The following TFEC variants were observed in gnomAD, a reference collection of about 807,000 sequenced individuals.
The protein encoded by TFEC is class E basic helix-loop-helix protein 34.
Under a neutral mutation model 41.6 loss-of-function variants are expected in TFEC, and 31 were observed. The ratio of observed to expected loss-of-function variants is 0.74; its 90% CI spans 0.56 to 1.01. The LOEUF is 1.01. TFEC is among the 50% of genes least tolerant of loss of function. TFEC has a pLI of 0.00. For missense variants in TFEC, 402 were observed against 404.1 expected (o/e 0.99, Z 0.04); for synonymous variants, 143 against 140.6 (o/e 1.02, Z -0.12).
intron 3 of TFEC, among the ~76,000 whole-genome samples, chr7:116,098,606 T>G (rs570132252): frequency 1.3e-5 from 2 of 151,984 alleles, no homozygotes; most frequent in East Asian, 3.9e-4. Flanking sequence ...AATAGACAAA[T>G]CCACAATTTT....
chr7:116,041,777 GACACA>G (rs1257082285), intron 3 of TFEC, among the ~76,000 whole-genome samples: 1 of 152,130 alleles, frequency 6.6e-6, no homozygotes, highest in Non-Finnish European at 1.5e-5. Context: ...TCCTGTTTCA[GACACA>G]GGTCTGAAAC....
chr7:116,065,159 A>T lies in TFEC; in HGVS notation c.198+45549T>A, dbSNP rs140880067. On this transcript the variant is annotated intron_variant, in intron 3 of 8. Transcript: ENST00000484212. ...AAACCAGACCAGCACAAGAGGAAAA[A>T]TCTGAAGGCAAAGGTATAAAACAGT... 2.5e-3 allele frequency among the ~76,000 whole-genome samples: 385 copies of T among 152,292 alleles called. 1 individual carries two copies. Among genetic ancestry groups the T allele is most frequent in the Admixed American group, 5.4e-3 (82 of 15,278 alleles).
At chr7:116,110,423 T>C (rs909348902) in intron 3 of TFEC, among the ~76,000 whole-genome samples, 1 of 152,120 alleles carries the variant, frequency 6.6e-6, no homozygotes, top group Non-Finnish European at 1.5e-5. Flanking sequence ...GTAGTAGTTG[T>C]ATCATGACAA....
intron 3 of TFEC, among the ~76,000 whole-genome samples, chr7:116,079,177 C>A (rs1183716535): frequency 6.6e-6 from 1 of 151,902 alleles, no homozygotes; most frequent in African/African-American, 2.4e-5. Flanking sequence ...AAGGAACATA[C>A]CTTAAGGTAA....
At chr7:116,157,816 T>G (rs930142663) in intron 1 of TFEC, among the ~76,000 whole-genome samples, 11 of 152,142 alleles carry the variant, frequency 7.2e-5, no homozygotes, top group African/African-American at 2.7e-4. Context: ...ACACAGAACT[T>G]CTGTCACACC....
rs1240601993 is a variant in TFEC, at chr7:115,939,411, A to G, written c.*1140T>C. On this transcript the variant is annotated 3_prime_UTR_variant, in exon 8 of 8. Transcript: ENST00000265440. ...TATAATAAATGCTAACAGTGCAACC[A>G]AAGATCATAGGACACTCTAAGTGTT... The G allele has an allele frequency of 2.0e-5, 3 of 152,084 alleles. No homozygotes were observed. Among genetic ancestry groups the G allele is most frequent in the African/African-American group, 4.8e-5 (2 of 41,444 alleles). The allele number at this position is 152,084 out of a possible 1,614,324, so 9.4% of individuals were successfully genotyped here. A position where few individuals can be genotyped will look rare whatever the true frequency, so the allele number is the denominator to read the frequency against.
intron 3 of TFEC, among the ~76,000 whole-genome samples, chr7:116,080,638 T>G (rs571105916): frequency 6.6e-6 from 1 of 151,990 alleles, no homozygotes; most frequent in Non-Finnish European, 1.5e-5. Context: ...AAAACCACAA[T>G]GCAGTGCCAC....
At chr7:116,097,462 G>T (rs1797493489) in intron 3 of TFEC, among the ~76,000 whole-genome samples, 1 of 151,948 alleles carries the variant, frequency 6.6e-6, no homozygotes, top group African/African-American at 2.4e-5. Flanking sequence ...TGCATTTTTG[G>T]GCCATTATTA....
At chr7:116,031,491 A>G (rs1464605956), upstream of TFEC, among the ~76,000 whole-genome samples, 1 of 152,160 alleles carries the variant, frequency 6.6e-6, no homozygotes, top group Non-Finnish European at 1.5e-5. Context: ...TTAAAATGGA[A>G]AGGTACAACT....
intron 1 of TFEC, among the ~76,000 whole-genome samples, chr7:116,127,319 G>A (rs768307160): frequency 2.0e-5 from 3 of 151,982 alleles, no homozygotes; most frequent in Non-Finnish European, 2.9e-5. Context: ...TCCTGACCTC[G>A]TAATCCCCTT....
chr7:116,042,831 G>A (rs999936450), intron 3 of TFEC, among the ~76,000 whole-genome samples: 3 of 151,958 alleles, frequency 2.0e-5, no homozygotes, highest in East Asian at 1.9e-4. Context: ...CTGAATAAAC[G>A]TCAAAATTAT....
chr7:116,096,252 TA>T (rs1797457600), intron 3 of TFEC, among the ~76,000 whole-genome samples: 1 of 152,078 alleles, frequency 6.6e-6, no homozygotes, highest in Non-Finnish European at 1.5e-5. Flanking sequence ...TCCTGAGATA[TA>T]AAATTTTAAG....
chr7:116,005,536 G>T (rs1794755632), intron 1 of TFEC, among the ~76,000 whole-genome samples: 1 of 152,166 alleles, frequency 6.6e-6, no homozygotes, highest in African/African-American at 2.4e-5. Context: ...TCTGGTAGAA[G>T]AAATTTCTAA....
At chr7:116,068,819 A>G (rs972137504) in intron 3 of TFEC, among the ~76,000 whole-genome samples, 8 of 151,638 alleles carry the variant, frequency 5.3e-5, no homozygotes, top group African/African-American at 1.9e-4. Context: ...TGTAACAAAA[A>G]TCAACTTTCT....
At chr7:115,982,668 G>T (rs918160721) in intron 2 of TFEC, among the ~76,000 whole-genome samples, 15 of 152,064 alleles carry the variant, frequency 9.9e-5, no homozygotes, top group Non-Finnish European at 1.9e-4. Flanking sequence ...GAAAAAAATT[G>T]TCTATAGCCA....
rs1342290965 is a variant in TFEC at position 115,942,974 on chromosome 7, TAA to T, written c.516-936_516-935del. Among the ~76,000 whole-genome samples the T allele has an allele frequency of 2.6e-5, 4 of 152,154 alleles. No homozygotes were observed. The East Asian group carries it at 7.7e-4, about 29-fold the overall frequency. On this transcript the variant is annotated intron_variant, in intron 6 of 7. Coordinates refer to ENST00000265440, the MANE Select transcript of TFEC (RefSeq NM_012252.4). ...GTCACGAGATGTTTTTAATATAGCA[TAA>T]AGTACACAGGTAGGGAAATATAACA... is the stretch of plus-strand genomic sequence containing the variant.
intron 3 of TFEC, among the ~76,000 whole-genome samples, chr7:116,099,971 C>T (rs2115946148): frequency 6.6e-6 from 1 of 152,120 alleles, no homozygotes; most frequent in East Asian, 1.9e-4. Flanking sequence ...TTATGATGTT[C>T]TGAGTGTTTT....
chr7:116,100,698 C>A (rs898779951), intron 3 of TFEC, among the ~76,000 whole-genome samples: 2 of 152,038 alleles, frequency 1.3e-5, no homozygotes, highest in East Asian at 3.9e-4. Flanking sequence ...TTCCTATGAG[C>A]TGCCAATATG....
chr7:116,020,467 T>C lies in TFEC; in HGVS notation c.-73+10166A>G, dbSNP rs540740120. 1.5e-4 allele frequency among the ~76,000 whole-genome samples: 23 copies of C among 152,304 alleles called. No homozygotes were observed. In the South Asian group the frequency reaches 4.6e-3, roughly 30 times the overall value. On this transcript the variant is annotated intron_variant, in intron 1 of 7. Coordinates refer to ENST00000265440, the MANE Select transcript of TFEC (RefSeq NM_012252.4). The stretch of plus-strand genomic sequence containing the variant: ...AAATAACACATAAAATTTAAATATA[T>C]ACCCTAGTGGTCTCCCTATAGCATT...
Sources: gnomAD v4.1 joint callset for allele counts (sites outside exome capture counted in the v4.1 genomes callset) on GRCh38, gnomAD v4.1.1 for gene constraint, MANE v1.5 for transcripts, NCBI Gene and HGNC (gene_info 2026-07-23, HGNC 2026-07-21) for gene names.